ITGAM: variants seen among roughly 807,000 people sequenced by gnomAD.
ITGAM encodes integrin alpha-M.
ITGAM carries 79 observed loss-of-function variants against 137.5 expected under a neutral mutation model. The ratio of observed to expected loss-of-function variants is 0.57; its 90% CI spans 0.48 to 0.69. The LOEUF (loss-of-function observed/expected upper bound fraction) is 0.69, where lower values mean the gene tolerates loss of function less well. Ranked by LOEUF, ITGAM falls within the 30% of genes least tolerant of loss-of-function variation. The pLI, the probability that ITGAM is intolerant of heterozygous loss-of-function variation, is 0.00. For missense variants in ITGAM, 1,343 were observed against 1,483.5 expected (o/e 0.91, Z 1.56); for synonymous variants, 583 against 592.3 (o/e 0.98, Z 0.23).
At chr16:31,293,248 A>G (rs2080103729) in intron 12 of ITGAM, among the ~76,000 whole-genome samples, 1 of 151,810 alleles carries the variant, frequency 6.6e-6, no homozygotes, top group Non-Finnish European at 1.5e-5. Flanking sequence ...CTTGCATTTA[A>G]TTAGATGCCA....
chr16:31,306,801 T>C (rs2080269602), intron 14 of ITGAM, among the ~76,000 whole-genome samples: 3 of 152,166 alleles, frequency 2.0e-5, no homozygotes, highest in Admixed American at 1.3e-4. Flanking sequence ...TGAGCCACCA[T>C]GTCTGGCCGC....
At chr16:31,317,734 G>C (rs2080406961) in intron 14 of ITGAM, among the ~76,000 whole-genome samples, 1 of 152,092 alleles carries the variant, frequency 6.6e-6, no homozygotes, top group Admixed American at 6.6e-5. Context: ...ATTTGCATAT[G>C]TTGAGCCATC....
Position 31,329,261 on chromosome 16 carries a change from G to C in ITGAM, c.2826G>C (p.Thr942=). 1 of 1,613,090 alleles carries C rather than the reference G, an allele frequency of 6.2e-7. No individual in the cohort carries two copies. The highest frequency in any genetic ancestry group is 8.5e-7 in the Non-Finnish European group (1 of 1,179,430). Residue 942 remains threonine, a synonymous_variant, in exon 24 of 30, where the codon ACG becomes ACC. Transcript: ENST00000544665. ...HGVSTKYLNF[T]ASENTSRVMQ... ...TCTCCACTAAATATCTCAACTTCAC[G>C]GCCTCAGAGAATACCAGTCGGGTCA...
chr16:31,279,446 A>G (rs544491449), intron 12 of ITGAM, among the ~76,000 whole-genome samples: 7 of 152,216 alleles, frequency 4.6e-5, no homozygotes, highest in South Asian at 4.1e-4. Flanking sequence ...GGTGTGAGAT[A>G]GTATCTCACT....
intron 12 of ITGAM, among the ~76,000 whole-genome samples, chr16:31,289,519 C>T (rs773472184): frequency 2.0e-5 from 3 of 152,102 alleles, no homozygotes; most frequent in Non-Finnish European, 4.4e-5. Flanking sequence ...AAAAACCAAA[C>T]ACTGCATGTT....
intron 5 of ITGAM, 62 bp from the exon 6 acceptor site, chr16:31,270,892 C>G (rs2079831932): frequency 7.8e-7 from 1 of 1,289,416 alleles, no homozygotes; most frequent in South Asian, 2.5e-5. Context: ...GGCTGACATG[C>G]AAAAAAACCC....
Position 31,329,896 on chromosome 16 carries a change from C to T in ITGAM, c.2967C>T (p.Thr989=). 6.4e-7 allele frequency: 1 copy of T among 1,560,568 alleles called. No homozygotes were observed. The highest frequency in any genetic ancestry group is 8.7e-7 in the Non-Finnish European group (1 of 1,152,220). The change falls in exon 25 of 30, where the codon ACC becomes ACT. Residue 989 remains threonine (T), a synonymous_variant. Transcript: ENST00000544665. The part of the protein sequence containing the change: ...QTVIWDRPQV[T]FSENLSSTCH... ...TCATATGGGACCGCCCCCAGGTCAC[C>T]TTCTCCGAGGTGAGCGGAGCTCGGC...
intron 8 of ITGAM, among the ~76,000 whole-genome samples, chr16:31,274,593 G>A (rs2079885570): frequency 7.1e-6 from 1 of 140,836 alleles, no homozygotes; most frequent in South Asian, 2.2e-4. Context: ...GTCTTTATTT[G>A]TTTATTTTAT....
chr16:31,285,043 GC>G (rs1267736820), intron 12 of ITGAM, among the ~76,000 whole-genome samples: 1 of 152,078 alleles, frequency 6.6e-6, no homozygotes, highest in Non-Finnish European at 1.5e-5. Flanking sequence ...CCCCGAGTGA[GC>G]AATTCCTGTC....
intron 14 of ITGAM, among the ~76,000 whole-genome samples, chr16:31,319,557 A>G (rs2080426300): frequency 6.6e-6 from 1 of 152,170 alleles, no homozygotes; most frequent in African/African-American, 2.4e-5. Context: ...GTGTCAGTAA[A>G]TACAAAGTGG....
rs1436264385 is a variant in ITGAM, at chr16:31,326,892, G to A, written c.2665G>A (p.Ala889Thr). ...FNITFDVDSK[A>T]SLGNKLLLKA... The stretch of plus-strand genomic sequence containing the variant: ...TATCACGTTTGATGTAGACTCTAAG[G>A]CTTCCCTTGGAAACAAACTGCTCCT... The change falls in exon 22 of 30, where the codon GCT (alanine) becomes ACT (threonine). Residue 889 changes from alanine to threonine, a missense_variant. Physicochemically the swap from Ala to Thr is moderately conservative, Grantham distance 58. Transcript: ENST00000544665. The A allele has an allele frequency of 2.5e-6, 4 of 1,613,420 alleles. No individual in the cohort carries two copies. The South Asian group carries it at 3.3e-5, about 13-fold the overall frequency.
intron 12 of ITGAM, among the ~76,000 whole-genome samples, chr16:31,287,423 T>C (rs937804861): frequency 7.2e-5 from 11 of 152,238 alleles, no homozygotes; most frequent in African/African-American, 2.4e-4. Flanking sequence ...GGTAGTTTGA[T>C]ACAAATAGCA....
Position 31,289,819 on chromosome 16 carries a change from C to T in ITGAM, c.1357-7695C>T, listed in dbSNP as rs1344149279. Among the ~76,000 whole-genome samples, 13 of 152,230 alleles carry T rather than the reference C, an allele frequency of 8.5e-5. No individual in the cohort carries two copies. The East Asian group carries it at 9.7e-4, about 11-fold the overall frequency. ...ACAACTGGCCGGGCCCAGTGGCTCACGCCTGTAATCCCAGCACTTTGGGAG... is the reference window on the plus strand; with the variant it reads ...ACAACTGGCCGGGCCCAGTGGCTCATGCCTGTAATCCCAGCACTTTGGGAG... On this transcript the variant is annotated intron_variant, in intron 12 of 29. Coordinates refer to ENST00000544665, the MANE Select transcript of ITGAM (RefSeq NM_000632.4).
At chr16:31,323,959 G>A (rs987074673) in intron 16 of ITGAM, among the ~76,000 whole-genome samples, 1 of 152,058 alleles carries the variant, frequency 6.6e-6, no homozygotes, top group Non-Finnish European at 1.5e-5. Flanking sequence ...GTTGCAGTGA[G>A]CTGAGATGGC....
intron 12 of ITGAM, among the ~76,000 whole-genome samples, chr16:31,282,399 G>T (rs911843898): frequency 6.6e-6 from 1 of 152,132 alleles, no homozygotes; most frequent in South Asian, 2.1e-4. Flanking sequence ...GAATCTGGGT[G>T]CTCCTGTACT....
chr16:31,287,122 T>A (rs1361622127), intron 12 of ITGAM, among the ~76,000 whole-genome samples: 1 of 152,182 alleles, frequency 6.6e-6, no homozygotes, highest in Non-Finnish European at 1.5e-5. Flanking sequence ...ATCTCCACAC[T>A]CTTTATTGAA....
chr16:31,280,345 G>A (rs1484675713), intron 12 of ITGAM, among the ~76,000 whole-genome samples: 2 of 152,102 alleles, frequency 1.3e-5, no homozygotes, highest in African/African-American at 2.4e-5. Context: ...CCATTTTCAC[G>A]ATATTGATTC....
chr16:31,283,110 C>T (rs930372458), intron 12 of ITGAM, among the ~76,000 whole-genome samples: 1 of 152,174 alleles, frequency 6.6e-6, no homozygotes, highest in Non-Finnish European at 1.5e-5. Flanking sequence ...ATGGGCTTCC[C>T]TTTGTGGGTA....
intron 14 of ITGAM, among the ~76,000 whole-genome samples, chr16:31,299,772 T>TCCA (rs2080176806): frequency 7.8e-6 from 1 of 128,404 alleles, no homozygotes; most frequent in African/African-American, 4.0e-5. Context: ...CTCTTCCTCC[T>TCCA]CCTCCTCCTC....
Sources: gnomAD v4.1 joint callset for allele counts (sites outside exome capture counted in the v4.1 genomes callset) on GRCh38, gnomAD v4.1.1 for gene constraint, MANE v1.5 for transcripts, NCBI Gene and HGNC (gene_info 2026-07-23, HGNC 2026-07-21) for gene names.